COL21A1: variants seen among roughly 807,000 people sequenced by gnomAD.
COL21A1 encodes the protein collagen alpha-1(XXI) chain.
Under a neutral mutation model 137.9 loss-of-function variants are expected in COL21A1, and 149 were observed. The ratio of observed to expected loss-of-function variants is 1.08; its 90% confidence interval spans 0.95 to 1.24. The LOEUF (loss-of-function observed/expected upper bound fraction) is 1.24, where lower values mean the gene tolerates loss of function less well. Among genes scored for constraint, COL21A1 ranks in the 50% most tolerant of loss-of-function variants. COL21A1 has a pLI of 0.00. For synonymous variants in COL21A1, 456 were observed against 391.5 expected, an observed-to-expected ratio of 1.16 and a Z score of -1.95; for missense variants, 1,167 against 1,158.4, an observed-to-expected ratio of 1.01 and a Z score of -0.11.
intron 1 of COL21A1, among the ~76,000 whole-genome samples, chr6:56,377,524 G>A (rs979212570): frequency 2.0e-5 from 3 of 151,916 alleles, no homozygotes; most frequent in African/African-American, 7.3e-5. Flanking sequence ...TATAGAGAGA[G>A]CATTTAAACT....
chr6:56,108,267 A>G (rs1414833513), intron 16 of COL21A1, among the ~76,000 whole-genome samples: 1 of 151,994 alleles, frequency 6.6e-6, no homozygotes, highest in African/African-American at 2.4e-5. Context: ...CAAACCTATC[A>G]GACAATGGGT....
At chr6:56,177,438 G>T (rs1375772202) in intron 3 of COL21A1, among the ~76,000 whole-genome samples, 1 of 152,126 alleles carries the variant, frequency 6.6e-6, no homozygotes, top group African/African-American at 2.4e-5. Context: ...CATGGTTTGT[G>T]GCTGTTGTAA....
rs143349033 is a variant in COL21A1 at position 56,220,789 on chromosome 6, A to G, written c.-39+26598T>C. Among the ~76,000 whole-genome samples the G allele has an allele frequency of 9.1e-3, 1,387 of 152,266 alleles. 6 individuals are homozygous for G. The highest frequency in any genetic ancestry group is 0.013 in the Non-Finnish European group (884 of 68,008). On this transcript the variant is annotated intron_variant, in intron 1 of 29. Transcript: ENST00000244728. The stretch of plus-strand genomic sequence containing the variant: ...ACCAGGCAATGGACTAAGCAATTAC[A>G]CATATTATTTTATTTAATCCTACAA...
At chr6:56,317,077 T>C (rs1744567791) in intron 1 of COL21A1, among the ~76,000 whole-genome samples, 1 of 152,130 alleles carries the variant, frequency 6.6e-6, no homozygotes, top group African/African-American at 2.4e-5. Context: ...GCACCTTCTG[T>C]TCCAGGTAAG....
chr6:56,112,091 T>C (rs1771480915), intron 16 of COL21A1, among the ~76,000 whole-genome samples: 1 of 152,102 alleles, frequency 6.6e-6, no homozygotes, highest in African/African-American at 2.4e-5. Flanking sequence ...AGAATATGGG[T>C]ATAAATTAGT....
intron 1 of COL21A1, among the ~76,000 whole-genome samples, chr6:56,299,591 G>GA (rs564408744): frequency 1.3e-3 from 195 of 151,938 alleles, no homozygotes; most frequent in African/African-American, 4.4e-3. Context: ...AGACTCATAT[G>GA]AAAAAAAGAC....
intron 1 of COL21A1, among the ~76,000 whole-genome samples, chr6:56,325,914 A>C (rs1765066386): frequency 1.9e-5 from 1 of 52,366 alleles, no homozygotes; most frequent in Non-Finnish European, 3.0e-5. Flanking sequence ...TACATAATAT[A>C]TATTATATAA....
At chr6:56,182,066 C>T (rs910925877) in intron 2 of COL21A1, among the ~76,000 whole-genome samples, 6 of 151,982 alleles carry the variant, frequency 3.9e-5, no homozygotes. Flanking sequence ...AAAAAGTGTG[C>T]TATCTCTAAA....
intron 1 of COL21A1, among the ~76,000 whole-genome samples, chr6:56,268,183 G>A (rs1248239971): frequency 6.6e-6 from 1 of 152,216 alleles, no homozygotes; most frequent in African/African-American, 2.4e-5. Context: ...TGAAATGCAT[G>A]GGTTCATGGG....
chr6:56,163,203 C>G (rs1367463763), intron 9 of COL21A1, among the ~76,000 whole-genome samples: 4 of 152,082 alleles, frequency 2.6e-5, no homozygotes, highest in Admixed American at 1.3e-4. Flanking sequence ...TGATTATGGT[C>G]GCTTCAAGTA....
At chr6:56,310,524 G>A (rs1764586042) in intron 1 of COL21A1, among the ~76,000 whole-genome samples, 1 of 152,112 alleles carries the variant, frequency 6.6e-6, no homozygotes, top group Non-Finnish European at 1.5e-5. Flanking sequence ...GGTCTACAAA[G>A]TAAAAATAAA....
At chr6:56,279,739 C>T (rs1028614389) in intron 1 of COL21A1, among the ~76,000 whole-genome samples, 4 of 152,180 alleles carry the variant, frequency 2.6e-5, no homozygotes, top group African/African-American at 2.4e-5. Context: ...CAGCTTTGAA[C>T]CAGAAAGATA....
In COL21A1 at chr6:56,087,107, T is replaced by TTTTGC. The variant is rs1554203366; in HGVS notation, c.1813-9539_1813-9535dup. ...TTTTGTTTTGTTTTGTTTTGTTTTG[T>TTTTGC]TTTGCCATATCCACAATCTCTTTTG... On this transcript the variant is annotated intron_variant, in intron 17 of 29. Transcript: ENST00000244728. Among the ~76,000 whole-genome samples the TTTTGC allele has an allele frequency of 7.1e-3, 947 of 134,076 alleles. 2 individuals carry two copies. Among genetic ancestry groups the TTTTGC allele is most frequent in the Admixed American group, 0.013 (162 of 12,876 alleles). 88.0% of individuals were successfully genotyped at this position (134,076 alleles called of 152,430 possible). A position where few individuals can be genotyped will look rare whatever the true frequency, so the allele number is the denominator to read the frequency against.
At chr6:56,252,891 G>A (rs927814049) in intron 1 of COL21A1, among the ~76,000 whole-genome samples, 13 of 152,150 alleles carry the variant, frequency 8.5e-5, no homozygotes, top group African/African-American at 2.9e-4. Context: ...TTTTTAGAAC[G>A]AATGACAGGG....
chr6:56,228,593 T>A (rs1781356237), intron 1 of COL21A1, among the ~76,000 whole-genome samples: 1 of 147,738 alleles, frequency 6.8e-6, no homozygotes, highest in South Asian at 2.2e-4. Flanking sequence ...ACATGAAATT[T>A]GTGCTTAATT....
intron 23 of COL21A1, among the ~76,000 whole-genome samples, chr6:56,066,033 G>A (rs955274049): frequency 6.6e-6 from 1 of 151,828 alleles, no homozygotes; most frequent in African/African-American, 2.4e-5. Flanking sequence ...CTGTGAGTAC[G>A]AAGCGGTTTA....
At chr6:56,295,010 A>G (rs4529301) in intron 1 of COL21A1, among the ~76,000 whole-genome samples, 68,205 of 151,868 alleles carry the variant, frequency 0.45, 17,267 homozygotes, top group East Asian at 0.77. Context: ...AAAAAAGTCA[A>G]AGTCACTTAA....
chr6:56,337,006 C>T (rs1765342593), intron 1 of COL21A1, among the ~76,000 whole-genome samples: 1 of 152,184 alleles, frequency 6.6e-6, no homozygotes, highest in African/African-American at 2.4e-5. Flanking sequence ...TCCCCTGCCA[C>T]CCTTAATTGT....
chr6:56,176,601 A>AAAAAG (rs112281840), intron 3 of COL21A1, among the ~76,000 whole-genome samples: 10 of 140,840 alleles, frequency 7.1e-5, no homozygotes, highest in East Asian at 4.4e-4. Context: ...ATTACCAAAA[A>AAAAAG]AAAGAAAGAA....
Sources: allele counts gnomAD v4.1 joint callset (sites outside exome capture counted in the v4.1 genomes callset), GRCh38; gene constraint gnomAD v4.1.1; transcripts MANE v1.5; gene names NCBI Gene and HGNC (gene_info 2026-07-23, HGNC 2026-07-21).